USP5: variants seen among roughly 807,000 people sequenced by gnomAD.
USP5 encodes ubiquitin carboxyl-terminal hydrolase 5.
A neutral mutation model predicts 102.5 loss-of-function variants in USP5; 24 were observed. That is an observed-to-expected ratio of 0.23 (90% CI 0.17 to 0.33). USP5 has a LOEUF of 0.33. Ranked by LOEUF, USP5 falls within the 10% of genes least tolerant of loss-of-function variation. USP5 has a pLI of 1.00. For synonymous variants in USP5, 460 were observed against 434.8 expected (o/e 1.06, Z -0.72); for missense variants, 753 against 1,122.1 (o/e 0.67, Z 4.70).
At position 6,856,834 on chromosome 12, in the gene USP5, C is replaced by T. The variant is rs1555128437; in HGVS notation, c.712C>T (p.Arg238Ter). Reference protein sequence around the residue: ...GGNNHAVEHYRETGYPLAVKL... With the variant: ...GGNNHAVEHY Reference sequence around the variant, plus strand: ...CAACAACCACGCTGTGGAGCACTACCGAGAGACAGGCTACCCGTTAGCTGT... The same window carrying T: ...CAACAACCACGCTGTGGAGCACTACTGAGAGACAGGCTACCCGTTAGCTGT... The change falls in exon 6 of 20, where the codon CGA (arginine) becomes TGA (stop). Residue 238 changes from arginine to a stop codon, truncating the protein, a stop_gained. Transcript: ENST00000229268. LOFTEE classifies it high-confidence loss of function. The surrounding 1 kb of genome is among the most constrained non-coding windows in gnomAD (Gnocchi z 5.6). 1.9e-6 allele frequency: 3 copies of T among 1,614,174 alleles called. No homozygotes were observed. The highest frequency in any genetic ancestry group is 2.5e-6 in the Non-Finnish European group (3 of 1,180,030).
intron 1 of USP5, among the ~76,000 whole-genome samples, chr12:6,853,211 A>G (rs1555127432): frequency 6.6e-6 from 1 of 152,088 alleles, no homozygotes; most frequent in Non-Finnish European, 1.5e-5. Flanking sequence ...CCTCCCCTCA[A>G]GCTGCTGTGC....
rs781893442 is a variant in USP5 at position 6,856,337 on chromosome 12, C to T, written c.471C>T (p.Ala157=). The T allele has an allele frequency of 2.7e-5, 43 of 1,613,800 alleles. No homozygotes were observed. Among genetic ancestry groups the T allele is most frequent in the Admixed American group, 6.7e-5 (4 of 60,008 alleles). Reference sequence around the variant, plus strand: ...GTGCAGTGGAGGCCCTACTGTCGGCCGACTCAGCCTCCCGCAAGCAGGAGG... The same window carrying T: ...GTGCAGTGGAGGCCCTACTGTCGGCTGACTCAGCCTCCCGCAAGCAGGAGG... ...VTSAVEALLS[A]DSASRKQEVQ... Residue 157 remains alanine, a synonymous_variant, in exon 5 of 20, where the codon GCC becomes GCT. Coordinates refer to ENST00000229268, the MANE Select transcript of USP5 (RefSeq NM_001098536.2). The surrounding 1 kb of genome is among the most constrained non-coding windows in gnomAD (Gnocchi z 5.6).
rs1555130197 is a variant in USP5 at position 6,864,108 on chromosome 12, A to C, written c.2157A>C (p.Ala719=). ...GSSGPGSTSA[A]ADPPPEDCVT... Reference sequence around the variant, plus strand: ...GTGGGCCGGGCTCCACAAGCGCAGCAGCCGACCCCCCTCCTGAGGACTGTG... The same window carrying C: ...GTGGGCCGGGCTCCACAAGCGCAGCCGCCGACCCCCCTCCTGAGGACTGTG... Residue 719 remains alanine, a synonymous_variant, in exon 17 of 20, where the codon GCA becomes GCC. Coordinates refer to ENST00000229268, the MANE Select transcript of USP5 (RefSeq NM_001098536.2). The surrounding 1 kb of genome is among the most constrained non-coding windows in gnomAD (Gnocchi z 4.8). 2 of 1,614,044 alleles carry C rather than the reference A, an allele frequency of 1.2e-6. No homozygotes were observed. The highest frequency in any genetic ancestry group is 4.5e-5 in the East Asian group (2 of 44,870).
chr12:6,863,781 A>G lies in USP5; in HGVS notation c.1955-49A>G. ...GGGTCCTGGGGGAGGGAGGAGGAGC[A>G]AACAGTGGCCCAATCAGTCGGTCCG... is the stretch of plus-strand genomic sequence containing the variant. On this transcript the variant is annotated intron_variant, in intron 15 of 19. Coordinates refer to ENST00000229268, the MANE Select transcript of USP5 (RefSeq NM_001098536.2). This position sits in a 1 kb window ranked among gnomAD's most constrained non-coding sequence, Gnocchi z 4.7. 1 of 1,516,668 alleles carries G rather than the reference A, an allele frequency of 6.6e-7. No homozygotes were observed. The highest frequency in any genetic ancestry group is 8.9e-7 in the Non-Finnish European group (1 of 1,129,602). 94.0% of individuals were successfully genotyped at this position (1,516,668 alleles called of 1,614,324 possible). A position where few individuals can be genotyped will look rare whatever the true frequency, so the allele number is the denominator to read the frequency against.
Position 6,863,421 on chromosome 12 carries a change from G to A in USP5, c.1954+44G>A, listed in dbSNP as rs782088031. ...TGCCTGTCTCTCTCCCGTGCTGATG[G>A]GGGCCTCTCTGCCTTGCATCCCCTG... On this transcript the variant is annotated intron_variant, in intron 15 of 19. Coordinates refer to ENST00000229268, the MANE Select transcript of USP5 (RefSeq NM_001098536.2). This position sits in a 1 kb window ranked among gnomAD's most constrained non-coding sequence, Gnocchi z 4.7. The A allele has an allele frequency of 2.0e-5, 32 of 1,584,926 alleles. No individual in the cohort carries two copies. Among genetic ancestry groups the A allele is most frequent in the Non-Finnish European group, 2.7e-5 (31 of 1,161,458 alleles).
chr12:6,858,034 G>GA lies in USP5; in HGVS notation c.864+314dup, dbSNP rs1944170371. On this transcript the variant is annotated intron_variant, in intron 7 of 19. Coordinates refer to ENST00000229268, the MANE Select transcript of USP5 (RefSeq NM_001098536.2). The surrounding 1 kb of genome is among the most constrained non-coding windows in gnomAD (Gnocchi z 4.2). ...ATAGTTGCAAACTGGTGGGCACTGT[G>GA]AAAGAGAGGCGGAGGGTACTACAGT... Among the ~76,000 whole-genome samples, 1 of 152,164 alleles carries GA rather than the reference G, an allele frequency of 6.6e-6. No individual in the cohort carries two copies. The highest frequency in any genetic ancestry group is 2.4e-5 in the African/African-American group (1 of 41,428).
In USP5 at chr12:6,858,666, C is replaced by G. The variant is rs782208885; in HGVS notation, c.1058+49C>G. Reference sequence around the variant, plus strand: ...CAGGCCCCCTCCTGGTCAGCACCCTCTGGGCATACTCCTCCTTCAGCTTCC... The same window carrying G: ...CAGGCCCCCTCCTGGTCAGCACCCTGTGGGCATACTCCTCCTTCAGCTTCC... On this transcript the variant is annotated intron_variant, in intron 8 of 19. Transcript: ENST00000229268. This position sits in a 1 kb window ranked among gnomAD's most constrained non-coding sequence, Gnocchi z 4.2. 2 of 1,523,022 alleles carry G rather than the reference C, an allele frequency of 1.3e-6. No individual in the cohort carries two copies. Among genetic ancestry groups the G allele is most frequent in the African/African-American group, 1.4e-5 (1 of 73,028 alleles). The allele number at this position is 1,523,022 out of a possible 1,614,324, so 94.3% of individuals were successfully genotyped here.
intron 1 of USP5, among the ~76,000 whole-genome samples, chr12:6,853,038 T>G (rs1323965946): frequency 1.3e-5 from 2 of 151,992 alleles, no homozygotes; most frequent in Non-Finnish European, 2.9e-5. Flanking sequence ...TCTTGGCTAG[T>G]TACACAAAGC....
chr12:6,857,681 G>A lies in USP5; in HGVS notation c.822G>A (p.Glu274=), dbSNP rs114350224. The A allele has an allele frequency of 6.9e-5, 111 of 1,614,108 alleles. No homozygotes were observed. The African/African-American group carries it at 1.3e-3, about 20-fold the overall frequency. ...DDMVLDPSLA[E]HLSHFGIDML... is the part of the protein sequence containing the mutation. Reference sequence around the variant, plus strand: ...TGGTCCTGGACCCCAGCCTGGCTGAGCACCTGTCCCACTTCGGCATCGACA... The same window carrying A: ...TGGTCCTGGACCCCAGCCTGGCTGAACACCTGTCCCACTTCGGCATCGACA... The change falls in exon 7 of 20, where the codon GAG becomes GAA. Residue 274 remains glutamate, a synonymous_variant. Coordinates refer to ENST00000229268, the MANE Select transcript of USP5 (RefSeq NM_001098536.2).
In USP5 at chr12:6,860,003, G is replaced by T; in HGVS notation, c.1131-148G>T. 3.5e-6 allele frequency: 3 copies of T among 845,276 alleles called. No individual in the cohort carries two copies. The highest frequency in any genetic ancestry group is 1.9e-6 in the Non-Finnish European group (1 of 537,636). The allele number at this position is 845,276 out of a possible 1,614,324, so 52.4% of individuals were successfully genotyped here. On this transcript the variant is annotated intron_variant, in intron 9 of 19. Coordinates refer to ENST00000229268, the MANE Select transcript of USP5 (RefSeq NM_001098536.2). The surrounding 1 kb of genome is among the most constrained non-coding windows in gnomAD (Gnocchi z 5.5). ...CGGGTGACTGTCTTCTGGACGTGTT[G>T]TCTGTCTTGAGCTGGGTTCCTGTAG...
Position 6,856,900 on chromosome 12 carries a change from T to G in USP5, c.769+9T>G. 6.2e-7 allele frequency: 1 copy of G among 1,609,360 alleles called. No individual in the cohort carries two copies. The highest frequency in any genetic ancestry group is 2.2e-5 in the East Asian group (1 of 44,692). On this transcript the variant is annotated intron_variant, in intron 6 of 19. Coordinates refer to ENST00000229268, the MANE Select transcript of USP5 (RefSeq NM_001098536.2). This position sits in a 1 kb window ranked among gnomAD's most constrained non-coding sequence, Gnocchi z 5.6. Reference sequence around the variant, plus strand: ...CACCCCTGATGGAGCTGGTACAGCCTCCCCTCCTCCAGCCACTCTCATGCT... The same window carrying G: ...CACCCCTGATGGAGCTGGTACAGCCGCCCCTCCTCCAGCCACTCTCATGCT...
chr12:6,866,210 T>C lies in USP5; in HGVS notation c.*133T>C. On this transcript the variant is annotated 3_prime_UTR_variant, in exon 20 of 20. Transcript: ENST00000229268. This position sits in a 1 kb window ranked among gnomAD's most constrained non-coding sequence, Gnocchi z 4.7. ...TTGTCCCCGGCAGCAGGGAAGAAGC[T>C]GGAGGCCGTGGGAGAATGGCTGGGC... 1.3e-6 allele frequency: 1 copy of C among 791,110 alleles called. No homozygotes were observed. Among genetic ancestry groups the C allele is most frequent in the South Asian group, 1.7e-5 (1 of 60,358 alleles). The allele number at this position is 791,110 out of a possible 1,614,324, so 49.0% of individuals were successfully genotyped here.
Position 6,857,641 on chromosome 12 carries a change from A to G in USP5, c.782A>G (p.Tyr261Cys), listed in dbSNP as rs1245081906. The G allele has an allele frequency of 1.2e-6, 2 of 1,613,792 alleles. No individual in the cohort carries two copies. The highest frequency in any genetic ancestry group is 2.2e-5 in the East Asian group (1 of 44,876). Residue 261 changes from tyrosine to cysteine, a missense_variant, in exon 7 of 20, where the codon TAT (tyrosine) becomes TGT (cysteine). Coordinates refer to ENST00000229268, the MANE Select transcript of USP5 (RefSeq NM_001098536.2). ...ITPDGADVYS[Y>C]DEDDMVLDPS... ...CCTCCTGCTCTAGACGTGTACTCATATGATGAGGATGACATGGTCCTGGAC... is the reference window on the plus strand; with the variant it reads ...CCTCCTGCTCTAGACGTGTACTCATGTGATGAGGATGACATGGTCCTGGAC...
chr12:6,865,842 G>A (rs1408207516), intron 19 of USP5, 142 bp from the exon 20 acceptor site: 17 of 708,670 alleles, frequency 2.4e-5, no homozygotes, highest in Non-Finnish European at 4.0e-5. Flanking sequence ...GCTCCCTTAA[G>A]GCACATGGTG....
Position 6,855,214 on chromosome 12 carries a change from A to ATC in USP5, c.112-187_112-186insTC, listed in dbSNP as rs1944071680. 3.9e-5 allele frequency among the ~76,000 whole-genome samples: 6 copies of ATC among 152,108 alleles called. No homozygotes were observed. The highest frequency in any genetic ancestry group is 7.2e-5 in the African/African-American group (3 of 41,410). On this transcript the variant is annotated intron_variant, in intron 1 of 19. Transcript: ENST00000229268. The surrounding 1 kb of genome is among the most constrained non-coding windows in gnomAD (Gnocchi z 4.6). ...TGGTTGTTATCAAAGTCATGGGAGG[A>ATC]AATGGGGAGAATCTTAGCTATGTCC...
Position 6,864,892 on chromosome 12 carries a change from A to C in USP5, c.2398+17A>C, listed in dbSNP as rs374133197. 4.3e-6 allele frequency: 7 copies of C among 1,611,194 alleles called. No homozygotes were observed. Among genetic ancestry groups the C allele is most frequent in the Non-Finnish European group, 5.9e-6 (7 of 1,178,662 alleles). Reference sequence around the variant, plus strand: ...GTCCTGGAAGTGAGTATCCCCAGGAAGCAGGACAGGCCTGGTGGAATCTGG... The same window carrying C: ...GTCCTGGAAGTGAGTATCCCCAGGACGCAGGACAGGCCTGGTGGAATCTGG... On this transcript the variant is annotated intron_variant, in intron 18 of 19. Coordinates refer to ENST00000229268, the MANE Select transcript of USP5 (RefSeq NM_001098536.2). The surrounding 1 kb of genome is among the most constrained non-coding windows in gnomAD (Gnocchi z 4.8).
At position 6,855,557 on chromosome 12, in the gene USP5, A is replaced by T; in HGVS notation, c.237+31A>T. On this transcript the variant is annotated intron_variant, in intron 2 of 19. Transcript: ENST00000229268. This position sits in a 1 kb window ranked among gnomAD's most constrained non-coding sequence, Gnocchi z 4.6. ...AGCAGGGCTGGGGCAAGGCCTGGGT[A>T]CATTGTCTGTTCCATTCTGACCTCC... 1 of 1,612,258 alleles carries T rather than the reference A, an allele frequency of 6.2e-7. No individual in the cohort carries two copies. Among genetic ancestry groups the T allele is most frequent in the Non-Finnish European group, 8.5e-7 (1 of 1,179,404 alleles).
chr12:6,865,663 G>A (rs782173242), intron 19 of USP5, among the ~76,000 whole-genome samples: 1 of 152,190 alleles, frequency 6.6e-6, no homozygotes, highest in South Asian at 2.1e-4. Context: ...AAGTTGAGTC[G>A]TTGTGTCAGA....
intron 13 of USP5, 114 bp from the exon 14 acceptor site, chr12:6,862,356 G>T: frequency 1.1e-6 from 1 of 899,750 alleles, no homozygotes; most frequent in Non-Finnish European, 1.8e-6. Flanking sequence ...GAATATGGAG[G>T]ATCTTCTGGG....
Sources: gnomAD v4.1 joint callset for allele counts (sites outside exome capture counted in the v4.1 genomes callset) on GRCh38, gnomAD v4.1.1 for gene constraint, Gnocchi (gnomAD v3.1) non-coding constraint, MANE v1.5 for transcripts, NCBI Gene and HGNC (gene_info 2026-07-23, HGNC 2026-07-21) for gene names.